CNBD1: variants seen among roughly 807,000 people sequenced by gnomAD.
CNBD1 encodes the protein cyclic nucleotide-binding domain-containing protein 1.
A neutral mutation model predicts 54.4 loss-of-function variants in CNBD1; 71 were observed. The observed-to-expected ratio is 1.30, with a 90% CI of 1.08 to 1.59. The LOEUF is 1.59. Among genes scored for constraint, CNBD1 ranks in the 40% most tolerant of loss-of-function variants. The pLI, the probability that CNBD1 is intolerant of heterozygous loss-of-function variation, is 0.00. For missense variants in CNBD1, 659 were observed against 518.0 expected, an observed-to-expected ratio of 1.27 and a Z score of -2.64; for synonymous variants, 182 against 170.7, an observed-to-expected ratio of 1.07 and a Z score of -0.51.
chr8:87,364,214 T>C (rs908720627), intron 10 of CNBD1, among the ~76,000 whole-genome samples: 8 of 151,364 alleles, frequency 5.3e-5, no homozygotes, highest in Non-Finnish European at 8.8e-5. Context: ...ATCACATATA[T>C]TTATAAGTAT....
Position 87,001,148 on chromosome 8 carries a change from A to T in CNBD1, c.431+61394A>T, listed in dbSNP as rs548360328. Among the ~76,000 whole-genome samples the T allele has an allele frequency of 7.2e-5, 11 of 151,816 alleles. No homozygotes were observed. The South Asian group carries it at 2.3e-3, about 32-fold the overall frequency. ...TTTCTTAAGCCTTTCATGTGTCATT[A>T]TTCATTTTTTACTTATGTCTGTTCT... On this transcript the variant is annotated intron_variant, in intron 4 of 10. Transcript: ENST00000518476.
intron 2 of CNBD1, among the ~76,000 whole-genome samples, chr8:87,407,519 G>T (rs1022196257): frequency 3.3e-5 from 5 of 151,826 alleles, no homozygotes; most frequent in African/African-American, 1.2e-4. Context: ...ATCTCAGAAT[G>T]GAATTTCTAG....
At chr8:86,990,474 C>T (rs1239131572) in intron 4 of CNBD1, among the ~76,000 whole-genome samples, 2 of 152,058 alleles carry the variant, frequency 1.3e-5, no homozygotes, top group Non-Finnish European at 2.9e-5. Context: ...ATGTTTTTGG[C>T]ATCTTTATAA....
At chr8:86,911,361 T>C (rs771605184) in intron 3 of CNBD1, among the ~76,000 whole-genome samples, 7 of 152,200 alleles carry the variant, frequency 4.6e-5, no homozygotes, top group Non-Finnish European at 8.8e-5. Context: ...TTAGCTCCCA[T>C]ATCAAAAGTT....
At chr8:86,996,091 C>T (rs1275004339) in intron 4 of CNBD1, among the ~76,000 whole-genome samples, 3 of 152,044 alleles carry the variant, frequency 2.0e-5, no homozygotes, top group East Asian at 1.9e-4. Flanking sequence ...GGTAATTTGG[C>T]TTCTGTTATC....
chr8:87,118,847 G>A (rs1216707668), intron 4 of CNBD1, among the ~76,000 whole-genome samples: 1 of 152,188 alleles, frequency 6.6e-6, no homozygotes, highest in African/African-American at 2.4e-5. Context: ...TTTGGCAGAA[G>A]GCCCTACATA....
intron 4 of CNBD1, among the ~76,000 whole-genome samples, chr8:87,036,628 A>C (rs1809956668): frequency 1.4e-5 from 2 of 147,242 alleles, no homozygotes; most frequent in Admixed American, 1.4e-4. Flanking sequence ...AAGATTGGTC[A>C]CAGGTGTTCC....
chr8:87,231,867 A>G (rs753653682), intron 5 of CNBD1, among the ~76,000 whole-genome samples: 3 of 151,808 alleles, frequency 2.0e-5, no homozygotes, highest in Non-Finnish European at 4.4e-5. Flanking sequence ...CCTTAGCAAG[A>G]TACAGAACTT....
intron 4 of CNBD1, among the ~76,000 whole-genome samples, chr8:86,947,396 T>C (rs1252577944): frequency 6.6e-6 from 1 of 152,054 alleles, no homozygotes; most frequent in Non-Finnish European, 1.5e-5. Flanking sequence ...AAAATTTGGT[T>C]TCCAAATGAG....
chr8:87,314,312 T>TA (rs1563548331), intron 8 of CNBD1, among the ~76,000 whole-genome samples: 39 of 151,652 alleles, frequency 2.6e-4, no homozygotes, highest in African/African-American at 8.9e-4. Flanking sequence ...ATCTCATTTT[T>TA]TAAAAAAAAA....
chr8:87,318,710 AG>A (rs202150135), intron 8 of CNBD1, among the ~76,000 whole-genome samples: 2 of 151,986 alleles, frequency 1.3e-5, no homozygotes, highest in African/African-American at 2.4e-5. Flanking sequence ...GGAGATGGGG[AG>A]GGGGGGCATT....
At chr8:87,206,425 G>A (rs982851717) in intron 5 of CNBD1, among the ~76,000 whole-genome samples, 8 of 152,220 alleles carry the variant, frequency 5.3e-5, no homozygotes, top group African/African-American at 1.9e-4. Flanking sequence ...TTAAACATCA[G>A]AATTTCTGGT....
chr8:87,157,358 AG>A (rs1184040220), intron 4 of CNBD1, among the ~76,000 whole-genome samples: 1 of 152,228 alleles, frequency 6.6e-6, no homozygotes, highest in Non-Finnish European at 1.5e-5. Context: ...GAAACAAGGA[AG>A]AGAAATCTTA....
chr8:86,950,559 A>T (rs1422383970), intron 4 of CNBD1, among the ~76,000 whole-genome samples: 1 of 152,102 alleles, frequency 6.6e-6, no homozygotes, highest in Non-Finnish European at 1.5e-5. Flanking sequence ...TATTTTGTTG[A>T]GGATTTTCAC....
intron 6 of CNBD1, among the ~76,000 whole-genome samples, chr8:87,279,574 C>CTA (rs1464030137): frequency 6.6e-6 from 1 of 151,076 alleles, no homozygotes; most frequent in Non-Finnish European, 1.5e-5. Context: ...AGTAGCTGTA[C>CTA]TATAGTAGGC....
intron 8 of CNBD1, among the ~76,000 whole-genome samples, chr8:87,337,717 T>A (rs779035224): frequency 1.3e-5 from 2 of 152,190 alleles, no homozygotes; most frequent in Non-Finnish European, 2.9e-5. Context: ...GGGTGGGGGC[T>A]CTCAGGTGTC....
intron 4 of CNBD1, among the ~76,000 whole-genome samples, chr8:87,039,167 A>T (rs1458781762): frequency 2.0e-5 from 3 of 152,208 alleles, no homozygotes; most frequent in South Asian, 2.1e-4. Context: ...TTATTTTAGT[A>T]TATTTCAGGA....
chr8:86,868,230 TA>T (rs1485641527), intron 1 of CNBD1, among the ~76,000 whole-genome samples: 1 of 152,228 alleles, frequency 6.6e-6, no homozygotes, highest in Non-Finnish European at 1.5e-5. Context: ...TTTACATACC[TA>T]AAAAGAAAAT....
chr8:86,870,771 G>A (rs1808432851), intron 1 of CNBD1, among the ~76,000 whole-genome samples: 1 of 152,122 alleles, frequency 6.6e-6, no homozygotes, highest in South Asian at 2.1e-4. Flanking sequence ...GAAAAACAGG[G>A]AAGTGGGTTG....
Sources: allele counts gnomAD v4.1 joint callset (sites outside exome capture counted in the v4.1 genomes callset), GRCh38; gene constraint gnomAD v4.1.1; transcripts MANE v1.5; gene names NCBI Gene and HGNC (gene_info 2026-07-23, HGNC 2026-07-21).